SHC4: variants seen among roughly 807,000 people sequenced by gnomAD.
SHC4 encodes SHC-transforming protein 4.
SHC4 carries 41 observed loss-of-function variants against 69.4 expected under a neutral mutation model. That is an observed-to-expected ratio of 0.59 (90% CI 0.46 to 0.77). The LOEUF (loss-of-function observed/expected upper bound fraction) is 0.77, where lower values mean the gene tolerates loss of function less well. Ranked by LOEUF, SHC4 falls within the 30% of genes least tolerant of loss-of-function variation. The probability of loss-of-function intolerance (pLI) is 0.00; values close to 1 mark genes in which losing one functional copy is unlikely to be tolerated. For synonymous variants in SHC4, 318 were observed against 299.3 expected (o/e 1.06, Z -0.64); for missense variants, 777 against 783.8 (o/e 0.99, Z 0.10).
At chr15:48,857,190 C>A (rs757031004) in intron 7 of SHC4, among the ~76,000 whole-genome samples, 31 of 152,150 alleles carry the variant, frequency 2.0e-4, no homozygotes, top group Non-Finnish European at 3.7e-4. Context: ...TGGGTCCCAC[C>A]GTGTTCCACT....
At chr15:48,920,579 A>AT (rs1900733671) in intron 2 of SHC4, among the ~76,000 whole-genome samples, 2 of 152,006 alleles carry the variant, frequency 1.3e-5, no homozygotes, top group Non-Finnish European at 1.5e-5. Flanking sequence ...CCGGCCAGAG[A>AT]TTTTTTTAAG....
At chr15:48,887,289 T>C (rs994717291) in intron 3 of SHC4, among the ~76,000 whole-genome samples, 13 of 152,166 alleles carry the variant, frequency 8.5e-5, no homozygotes, top group African/African-American at 3.1e-4. Flanking sequence ...GCAGATAACA[T>C]TGTGATTAAG....
chr15:48,954,754 T>C (rs1478911697), intron 1 of SHC4, among the ~76,000 whole-genome samples: 1 of 152,196 alleles, frequency 6.6e-6, no homozygotes, highest in African/African-American at 2.4e-5. Context: ...AAGTTTAGTC[T>C]ATCCTGAGTT....
chr15:48,881,375 CAAAA>C (rs34708269), intron 4 of SHC4, among the ~76,000 whole-genome samples: 17 of 109,038 alleles, frequency 1.6e-4, no homozygotes, highest in Admixed American at 7.8e-4. Context: ...AAAAACAAAG[CAAAA>C]AAAAAAAAAA....
In SHC4 at chr15:48,826,615, G is replaced by C. The variant is rs567155466; in HGVS notation, c.1738-489C>G. On this transcript the variant is annotated intron_variant, in intron 11 of 11. Coordinates refer to ENST00000332408, the MANE Select transcript of SHC4 (RefSeq NM_203349.4). ...TTCCCATAAGTTAGGAAAATGGTAG[G>C]CACTTGTCACCCAATCCAAATTTGC... 7.2e-5 allele frequency among the ~76,000 whole-genome samples: 11 copies of C among 152,184 alleles called. No homozygotes were observed. In the South Asian group the frequency reaches 2.3e-3, roughly 32 times the overall value.
chr15:48,871,918 T>C (rs1470120443), intron 5 of SHC4, 171 bp downstream of exon 5: 2 of 511,958 alleles, frequency 3.9e-6, no homozygotes, highest in Admixed American at 4.1e-5. Context: ...AAGAAAATAT[T>C]TTATTATCTG....
intron 1 of SHC4, among the ~76,000 whole-genome samples, chr15:48,955,099 T>C (rs1901423652): frequency 6.6e-6 from 1 of 152,158 alleles, no homozygotes; most frequent in Non-Finnish European, 1.5e-5. Context: ...AGGATCCCTC[T>C]CTTGGGTTTC....
At chr15:48,858,261 A>G (rs1474818778) in intron 6 of SHC4, among the ~76,000 whole-genome samples, 26 of 152,318 alleles carry the variant, frequency 1.7e-4, no homozygotes, top group Admixed American at 1.6e-3. Context: ...AATCCCTTCC[A>G]AAAGTGGGGA....
At position 48,894,080 on chromosome 15, in the gene SHC4, T is replaced by C. The variant is rs142036974; in HGVS notation, c.657-3269A>G. Among the ~76,000 whole-genome samples, 133 of 152,324 alleles carry C rather than the reference T, an allele frequency of 8.7e-4. 2 individuals carry two copies. In the Middle Eastern group the frequency reaches 0.02, roughly 23 times the overall value. ...AAGAAACCAACCCGAAGTCTTGTGATATAGAGATAAAACATATCAAAATAA... is the reference window on the plus strand; with the variant it reads ...AAGAAACCAACCCGAAGTCTTGTGACATAGAGATAAAACATATCAAAATAA... On this transcript the variant is annotated intron_variant, in intron 2 of 11. Coordinates refer to ENST00000332408, the MANE Select transcript of SHC4 (RefSeq NM_203349.4).
chr15:48,954,349 C>T (rs904663735), intron 1 of SHC4, among the ~76,000 whole-genome samples: 4 of 152,216 alleles, frequency 2.6e-5, no homozygotes, highest in Admixed American at 6.5e-5. Flanking sequence ...ATCTTCTCTG[C>T]CGCAGAATCA....
intron 4 of SHC4, among the ~76,000 whole-genome samples, chr15:48,883,227 T>C (rs1899976046): frequency 6.6e-6 from 1 of 152,142 alleles, no homozygotes; most frequent in South Asian, 2.1e-4. Context: ...TGCTATATAA[T>C]TTACATCTAT....
intron 5 of SHC4, among the ~76,000 whole-genome samples, chr15:48,871,731 G>T (rs980777227): frequency 6.6e-6 from 1 of 152,148 alleles, no homozygotes; most frequent in African/African-American, 2.4e-5. Flanking sequence ...GTGTTGAGAA[G>T]AATTCTAAGG....
intron 2 of SHC4, among the ~76,000 whole-genome samples, chr15:48,901,241 A>G (rs1186212260): frequency 6.6e-6 from 1 of 152,206 alleles, no homozygotes; most frequent in Non-Finnish European, 1.5e-5. Context: ...CTCTTGCTCT[A>G]AAGCAAACCG....
intron 3 of SHC4, among the ~76,000 whole-genome samples, chr15:48,888,783 T>A (rs1488482887): frequency 6.7e-6 from 1 of 149,194 alleles, no homozygotes; most frequent in Non-Finnish European, 1.5e-5. Flanking sequence ...CAATCCCAGA[T>A]ACTCGGGAGG....
chr15:48,903,684 T>C (rs1265763820), intron 2 of SHC4, among the ~76,000 whole-genome samples: 2 of 152,172 alleles, frequency 1.3e-5, no homozygotes. Context: ...TAGCATCGCC[T>C]GGAACTCATT....
chr15:48,954,062 C>T (rs765031980), intron 1 of SHC4, among the ~76,000 whole-genome samples: 2 of 152,272 alleles, frequency 1.3e-5, no homozygotes, highest in African/African-American at 4.8e-5. Flanking sequence ...ATCTACATCC[C>T]GGGTTCATAC....
intron 2 of SHC4, among the ~76,000 whole-genome samples, chr15:48,908,825 T>C (rs1032897670): frequency 6.6e-6 from 1 of 152,210 alleles, no homozygotes; most frequent in African/African-American, 2.4e-5. Context: ...CCCCACTTTA[T>C]GTTTTTGTTT....
intron 1 of SHC4, among the ~76,000 whole-genome samples, chr15:48,934,293 C>A (rs1901026889): frequency 6.6e-6 from 1 of 152,096 alleles, no homozygotes. Context: ...ACAGACATTT[C>A]TCCAAGAAAT....
chr15:48,845,511 C>T (rs751137873), intron 9 of SHC4, among the ~76,000 whole-genome samples: 1 of 152,146 alleles, frequency 6.6e-6, no homozygotes, highest in Non-Finnish European at 1.5e-5. Context: ...GTTATATTAT[C>T]TAGTTTAAAC....
Sources: gnomAD v4.1 joint callset for allele counts (sites outside exome capture counted in the v4.1 genomes callset) on GRCh38, gnomAD v4.1.1 for gene constraint, MANE v1.5 for transcripts, NCBI Gene and HGNC (gene_info 2026-07-23, HGNC 2026-07-21) for gene names.